PHKA1: variants seen among roughly 807,000 people sequenced by gnomAD.
PHKA1 encodes phosphorylase kinase regulatory subunit alpha 1, also known as phosphorylase b kinase regulatory subunit alpha, skeletal muscle isoform.
In PHKA1, 60 loss-of-function variants were observed where a neutral mutation model predicts 110.2. The observed-to-expected ratio is 0.54, with a 90% CI of 0.44 to 0.68. The LOEUF is 0.68. Among genes scored for constraint, PHKA1 ranks in the 30% least tolerant of loss-of-function variants. The probability of loss-of-function intolerance (pLI) is 0.00; values close to 1 mark genes in which losing one functional copy is unlikely to be tolerated. For synonymous variants in PHKA1, 316 were observed against 333.6 expected (o/e 0.95, Z 0.58); for missense variants, 801 against 942.5 (o/e 0.85, Z 1.97).
At position 72,673,222 on chromosome X, in the gene PHKA1, G is replaced by A. The variant is rs142603649; in HGVS notation, c.618+2848C>T. Among the ~76,000 whole-genome samples the A allele has an allele frequency of 3.7e-3, 410 of 111,470 alleles. 1 individual carries two copies. The highest frequency in any genetic ancestry group is 0.013 in the African/African-American group (397 of 30,681). On this transcript the variant is annotated intron_variant, in intron 6 of 31. Coordinates refer to ENST00000373542, the MANE Select transcript of PHKA1 (RefSeq NM_002637.4). ...GTATCATGGTTATAAAAGAGTCCTT[G>A]AGGAAATTCACACTGAAATATTTAG...
intron 19 of PHKA1, 135 bp from the exon 20 acceptor site, chrX:72,619,440 G>A: frequency 2.2e-6 from 1 of 452,453 alleles, no homozygotes. Flanking sequence ...TCCTTTCTTG[G>A]TAATATCAAA....
At chrX:72,687,857 C>T (rs189700971) in intron 4 of PHKA1, among the ~76,000 whole-genome samples, 1 of 103,479 alleles carries the variant, frequency 9.7e-6, no homozygotes, top group East Asian at 3.0e-4. Context: ...GACAGAGTCT[C>T]GCTCTGTTGC....
intron 21 of PHKA1, among the ~76,000 whole-genome samples, chrX:72,615,821 CAATT>C (rs1386489848): frequency 9.3e-6 from 1 of 107,457 alleles, no homozygotes; most frequent in Non-Finnish European, 1.9e-5. Flanking sequence ...AACTGGAAAA[CAATT>C]AATTAAATGG....
At chrX:72,704,578 T>C (rs1411634918) in intron 3 of PHKA1, among the ~76,000 whole-genome samples, 1 of 109,498 alleles carries the variant, frequency 9.1e-6, no homozygotes, top group Non-Finnish European at 1.9e-5. Flanking sequence ...TATGTGCATG[T>C]GTGTGTGTGT....
At chrX:72,664,328 C>T (rs917369721) in intron 8 of PHKA1, among the ~76,000 whole-genome samples, 6 of 110,741 alleles carry the variant, frequency 5.4e-5, no homozygotes, top group African/African-American at 2.0e-4. Flanking sequence ...TAAAAAGAGA[C>T]AAAGAAGGTC....
chrX:72,585,016 C>T (rs2052400016), intron 29 of PHKA1, among the ~76,000 whole-genome samples: 1 of 107,118 alleles, frequency 9.3e-6, no homozygotes, highest in Non-Finnish European at 1.9e-5. Flanking sequence ...GTTTTCTGTC[C>T]TTGCGATAGT....
At position 72,623,128 on chromosome X, in the gene PHKA1, A is replaced by T; in HGVS notation, c.1941T>A (p.Asp647Glu). Residue 647 changes from aspartate (D) to glutamate (E), a missense_variant, in exon 18 of 32, where the codon GAT (aspartate) becomes GAA (glutamate). By Grantham distance (45) the Asp-to-Glu change is conservative. Around this residue, in one of 2 missense-constraint regions of PHKA1, gnomAD observed 502 missense variants for 519.2 expected, o/e 0.97. Coordinates refer to ENST00000373542, the MANE Select transcript of PHKA1 (RefSeq NM_002637.4). ...DYLESGNWMNDYDSTSHARCG... is the reference protein window; with the variant it reads ...DYLESGNWMNEYDSTSHARCG... ...CCTTACCATGACTGGTTGAATCATA[A>T]TCATTCATCCAGTTGCCAGATTCCA... The T allele has an allele frequency of 8.3e-7, 1 of 1,211,428 alleles. No homozygotes were observed.
intron 21 of PHKA1, among the ~76,000 whole-genome samples, chrX:72,613,316 G>A (rs1377299902): frequency 2.8e-5 from 3 of 108,934 alleles, no homozygotes; most frequent in Non-Finnish European, 5.7e-5. Flanking sequence ...GATAAATAGG[G>A]GTAAAATTAT....
At chrX:72,640,369 C>T (rs1207007042) in intron 14 of PHKA1, among the ~76,000 whole-genome samples, 2 of 111,017 alleles carry the variant, frequency 1.8e-5, no homozygotes, top group Non-Finnish European at 3.8e-5. Context: ...TATAAGGAGA[C>T]GATTTGCAAA....
chrX:72,649,718 G>A (rs782809418), intron 13 of PHKA1, among the ~76,000 whole-genome samples: 1 of 111,545 alleles, frequency 9.0e-6, no homozygotes, highest in East Asian at 2.8e-4. Flanking sequence ...GTGCAGCCGG[G>A]CGCAGTGGCT....
chrX:72,609,367 C>T lies in PHKA1; in HGVS notation c.2606+257G>A, dbSNP rs2052773472. ...GGCTGACATTTTGTGGTTGCTAATT[C>T]AGGGTACCCTGTTTGTTTTGTTTTT... On this transcript the variant is annotated intron_variant, in intron 23 of 31. Transcript: ENST00000373542. Among the ~76,000 whole-genome samples, 3 of 112,218 alleles carry T rather than the reference C, an allele frequency of 2.7e-5. No individual in the cohort carries two copies. In the Admixed American group the frequency reaches 2.8e-4, roughly 11 times the overall value.
rs376378016 is a variant in PHKA1, at chrX:72,676,260, C to CAT, written c.538-112_538-111dup. ...AAGACACTAGGAGTAACTAATTTGC[C>CAT]ATATATATATATATATACCCACAAT... On this transcript the variant is annotated intron_variant, in intron 5 of 31. Transcript: ENST00000373542. 7,708 of 430,833 alleles carry CAT rather than the reference C, an allele frequency of 0.018. 141 individuals carry two copies. The highest frequency in any genetic ancestry group is 0.1 in the African/African-American group (4,005 of 38,709). 35.5% of individuals were successfully genotyped at this position (430,833 alleles called of 1,213,427 possible).
intron 21 of PHKA1, among the ~76,000 whole-genome samples, chrX:72,614,112 A>G (rs782665371): frequency 8.9e-6 from 1 of 112,308 alleles, no homozygotes; most frequent in East Asian, 2.8e-4. Context: ...ATGTTAAACA[A>G]TTCCTTGACT....
chrX:72,617,022 T>A (rs1326645684), intron 21 of PHKA1, among the ~76,000 whole-genome samples: 1 of 111,789 alleles, frequency 8.9e-6, no homozygotes, highest in Non-Finnish European at 1.9e-5. Flanking sequence ...GAGATGTTTA[T>A]AGCAATGAAT....
At chrX:72,585,873 G>C (rs782380587) in intron 29 of PHKA1, among the ~76,000 whole-genome samples, 108 of 112,436 alleles carry the variant, frequency 9.6e-4, no homozygotes, top group African/African-American at 3.1e-3. Flanking sequence ...TGGTGGAGGG[G>C]TGTCCGCCAT....
At chrX:72,627,801 T>G (rs2053100751) in intron 16 of PHKA1, among the ~76,000 whole-genome samples, 1 of 107,493 alleles carries the variant, frequency 9.3e-6, no homozygotes, top group Admixed American at 1.0e-4. Flanking sequence ...TAGAAAGACT[T>G]TTTCCTACAC....
intron 13 of PHKA1, among the ~76,000 whole-genome samples, chrX:72,649,467 G>A (rs1556298231): frequency 8.9e-6 from 1 of 111,957 alleles, no homozygotes; most frequent in Non-Finnish European, 1.9e-5. Context: ...AATGTAAATG[G>A]CACAGAAGTT....
intron 16 of PHKA1, among the ~76,000 whole-genome samples, chrX:72,628,118 C>T (rs997759997): frequency 9.0e-6 from 1 of 110,790 alleles, no homozygotes; most frequent in Non-Finnish European, 1.9e-5. Flanking sequence ...CGTGAGCCAC[C>T]GCGCCAGGCC....
intron 29 of PHKA1, among the ~76,000 whole-genome samples, chrX:72,589,946 C>T (rs782009700): frequency 9.0e-6 from 1 of 111,472 alleles, no homozygotes; most frequent in Admixed American, 9.5e-5. Context: ...AATGGAAGAA[C>T]ATTCCATGCT....
Sources: gnomAD v4.1 joint callset for allele counts (sites outside exome capture counted in the v4.1 genomes callset) on GRCh38, gnomAD v4.1.1 for gene constraint, gnomAD v4.1.1 regional missense constraint, MANE v1.5 for transcripts, NCBI Gene and HGNC (gene_info 2026-07-23, HGNC 2026-07-21) for gene names.